Variants in CHN1 observed in about 807,000 individuals in gnomAD.
CHN1 encodes chimerin 1.
In CHN1, 37 loss-of-function variants were observed where a neutral mutation model predicts 59.5. The observed-to-expected ratio is 0.62, with a 90% CI of 0.48 to 0.82. The LOEUF is 0.82. Ranked by LOEUF, CHN1 falls within the 40% of genes least tolerant of loss-of-function variation. The probability of loss-of-function intolerance (pLI) is 0.00; values close to 1 mark genes in which losing one functional copy is unlikely to be tolerated. For synonymous variants in CHN1, 206 were observed against 200.4 expected (o/e 1.03, Z -0.24); for missense variants, 469 against 571.0 (o/e 0.82, Z 1.82).
intron 1 of CHN1, among the ~76,000 whole-genome samples, chr2:174,984,197 T>C (rs1466922790): frequency 6.6e-6 from 1 of 152,128 alleles, no homozygotes; most frequent in Non-Finnish European, 1.5e-5. Context: ...TTCAAAGATG[T>C]CAGTGGATGA....
At chr2:174,939,769 T>C (rs982324154) in intron 3 of CHN1, among the ~76,000 whole-genome samples, 2 of 152,172 alleles carry the variant, frequency 1.3e-5, no homozygotes, top group African/African-American at 4.8e-5. Flanking sequence ...CGAGCAGCAA[T>C]GAAAGGCAAT....
chr2:174,801,602 T>C, intron 12 of CHN1, 105 bp downstream of exon 12: 1 of 770,192 alleles, frequency 1.3e-6, no homozygotes, highest in South Asian at 1.7e-5. Context: ...TATGCATTTA[T>C]TTATTCATTC....
intron 6 of CHN1, among the ~76,000 whole-genome samples, chr2:174,857,586 G>C (rs920519262): frequency 1.3e-5 from 2 of 152,028 alleles, no homozygotes; most frequent in Non-Finnish European, 2.9e-5. Flanking sequence ...TCTAATGTTT[G>C]GTTACCAGGA....
At chr2:174,808,184 C>T (rs1684961827) in intron 11 of CHN1, among the ~76,000 whole-genome samples, 1 of 152,194 alleles carries the variant, frequency 6.6e-6, no homozygotes, top group Non-Finnish European at 1.5e-5. Flanking sequence ...TGAACTTATA[C>T]AAGCACAGAA....
Position 174,856,886 on chromosome 2 carries a change from G to T in CHN1, c.550-9929C>A, listed in dbSNP as rs547512674. Among the ~76,000 whole-genome samples the T allele has an allele frequency of 1.2e-4, 18 of 152,278 alleles. No individual in the cohort carries two copies. The South Asian group carries it at 3.3e-3, about 28-fold the overall frequency. On this transcript the variant is annotated intron_variant, in intron 6 of 12. Transcript: ENST00000409900. ...GCTGTATCAAGTGGGTCTTCAGAAG[G>T]TAGCTCTGGCAAATTTACAATGGGC...
At chr2:174,829,244 G>A (rs1007127452) in intron 7 of CHN1, among the ~76,000 whole-genome samples, 3 of 152,150 alleles carry the variant, frequency 2.0e-5, no homozygotes, top group Non-Finnish European at 4.4e-5. Context: ...ATTAATTAAC[G>A]GATCCCCAGT....
chr2:174,872,277 C>T (rs1444439431), intron 6 of CHN1, among the ~76,000 whole-genome samples: 1 of 151,882 alleles, frequency 6.6e-6, no homozygotes, highest in Non-Finnish European at 1.5e-5. Flanking sequence ...AAGTGAGACC[C>T]CACCTCAAAC....
At chr2:174,893,447 T>C (rs1416594866) in intron 5 of CHN1, among the ~76,000 whole-genome samples, 2 of 152,078 alleles carry the variant, frequency 1.3e-5, no homozygotes, top group Non-Finnish European at 2.9e-5. Context: ...CTACAAAACA[T>C]TACTGAAAGA....
At chr2:174,985,328 T>C (rs1285684184) in intron 1 of CHN1, among the ~76,000 whole-genome samples, 1 of 152,190 alleles carries the variant, frequency 6.6e-6, no homozygotes, top group South Asian at 2.1e-4. Context: ...GCAGTATTAA[T>C]TGTCAAATAT....
chr2:174,891,543 T>C (rs1047786910), intron 5 of CHN1, among the ~76,000 whole-genome samples: 6 of 146,188 alleles, frequency 4.1e-5, no homozygotes, highest in Admixed American at 7.0e-5. Context: ...CATTCCAGCC[T>C]GGGTGACAGA....
At chr2:174,880,358 A>C (rs1247318638) in intron 5 of CHN1, among the ~76,000 whole-genome samples, 1 of 152,074 alleles carries the variant, frequency 6.6e-6, no homozygotes, top group Non-Finnish European at 1.5e-5. Context: ...ACTCTGAACT[A>C]CTCTCTTTTA....
chr2:174,839,475 A>G (rs1017640332), intron 7 of CHN1, among the ~76,000 whole-genome samples: 6 of 152,216 alleles, frequency 3.9e-5, no homozygotes, highest in African/African-American at 1.4e-4. Context: ...ATAATAATCA[A>G]ACTCAGAATA....
At chr2:174,872,098 A>G (rs1300219029) in intron 6 of CHN1, among the ~76,000 whole-genome samples, 1 of 152,182 alleles carries the variant, frequency 6.6e-6, no homozygotes, top group Non-Finnish European at 1.5e-5. Context: ...CTTGGGCAAC[A>G]TGGAGAAACC....
chr2:174,967,545 G>A (rs1690631945), intron 1 of CHN1, among the ~76,000 whole-genome samples: 1 of 151,854 alleles, frequency 6.6e-6, no homozygotes. Flanking sequence ...CAACAACTTA[G>A]ACTTTTAACC....
intron 5 of CHN1, among the ~76,000 whole-genome samples, chr2:174,909,297 A>G (rs1376570111): frequency 1.3e-5 from 2 of 152,198 alleles, no homozygotes; most frequent in Non-Finnish European, 2.9e-5. Context: ...ACTTAAAACA[A>G]GAAAAGAAAA....
At chr2:174,892,273 T>C (rs1219916773) in intron 5 of CHN1, among the ~76,000 whole-genome samples, 1 of 152,228 alleles carries the variant, frequency 6.6e-6, no homozygotes, top group African/African-American at 2.4e-5. Context: ...ATGTTGAAAC[T>C]TAATCTCCAA....
intron 6 of CHN1, chr2:174,875,987 G>C (rs1024478882): frequency 4.6e-6 from 1 of 216,526 alleles, no homozygotes; most frequent in Non-Finnish European, 7.9e-6. Flanking sequence ...CTGCCGCAGA[G>C]AGATACTTCC....
chr2:174,834,900 T>C lies in CHN1; in HGVS notation c.628-10382A>G, dbSNP rs1686020952. Among the ~76,000 whole-genome samples the C allele has an allele frequency of 2.0e-5, 3 of 152,214 alleles. No homozygotes were observed. In the South Asian group the frequency reaches 6.2e-4, roughly 31 times the overall value. ...CAAAACTATAAACACATTATGAAGC[T>C]GAAATGTGAAAATAAAACTTAAGAG... is the stretch of plus-strand genomic sequence containing the variant. On this transcript the variant is annotated intron_variant, in intron 7 of 12. Coordinates refer to ENST00000409900, the MANE Select transcript of CHN1 (RefSeq NM_001822.7).
chr2:174,991,104 A>AT (rs1324217725), intron 1 of CHN1, among the ~76,000 whole-genome samples: 3 of 152,196 alleles, frequency 2.0e-5, no homozygotes, highest in Admixed American at 1.3e-4. Context: ...TTTTTGGTCT[A>AT]CTACTTAGTG....
Sources: allele counts gnomAD v4.1 joint callset (sites outside exome capture counted in the v4.1 genomes callset), GRCh38; gene constraint gnomAD v4.1.1; transcripts MANE v1.5; gene names NCBI Gene and HGNC (gene_info 2026-07-23, HGNC 2026-07-21).